Variants in ZNF662 observed in about 807,000 individuals in gnomAD.
The protein encoded by ZNF662 is zinc finger protein 662.
A neutral mutation model predicts 12.4 loss-of-function variants in ZNF662; 14 were observed. The ratio of observed to expected loss-of-function variants is 1.13; its 90% CI spans 0.75 to 1.77. ZNF662 has a LOEUF of 1.77. ZNF662 is among the 40% of genes most tolerant of loss of function. The pLI is 0.00. For missense variants in ZNF662, 550 were observed against 515.6 expected (o/e 1.07, Z -0.65); for synonymous variants, 184 against 176.4 (o/e 1.04, Z -0.34).
rs1194902637 is a variant in ZNF662, at chr3:42,919,233, A to G, written c.*3879A>G. Among the ~76,000 whole-genome samples the G allele has an allele frequency of 1.3e-5, 2 of 152,224 alleles. No individual in the cohort carries two copies. The highest frequency in any genetic ancestry group is 4.8e-5 in the African/African-American group (2 of 41,450). On this transcript the variant is annotated 3_prime_UTR_variant, in exon 5 of 5. Coordinates refer to ENST00000440367, the MANE Select transcript of ZNF662 (RefSeq NM_207404.4). ...CGAATGAGTCTAAAATCTAATGACA[A>G]ATATATAAGTCTTGAAACATAATTT...
Position 42,907,276 on chromosome 3 carries a change from T to C in ZNF662, c.-93-746T>C, listed in dbSNP as rs2088695898. Among the ~76,000 whole-genome samples the C allele has an allele frequency of 2.0e-5, 3 of 152,116 alleles. No homozygotes were observed. In the South Asian group the frequency reaches 6.2e-4, roughly 32 times the overall value. On this transcript the variant is annotated intron_variant, in intron 1 of 4. Coordinates refer to ENST00000440367, the MANE Select transcript of ZNF662 (RefSeq NM_207404.4). ...GTGGGTAAGCAAGTGAGGTGGGATC[T>C]TTGTGAGAGTGTTGCGGGTGGTGGG...
In ZNF662 at chr3:42,912,588, T is replaced by A. The variant is rs1445169830; in HGVS notation, c.152-613T>A. ...TATAAATACATATTTTATATATAAA[T>A]ATATTTATATAAAATACAAATATTT... is the stretch of plus-strand genomic sequence containing the variant. On this transcript the variant is annotated intron_variant, in intron 3 of 4. Transcript: ENST00000440367. Among the ~76,000 whole-genome samples, 12 of 86,872 alleles carry A rather than the reference T, an allele frequency of 1.4e-4. No individual in the cohort carries two copies. The East Asian group carries it at 2.6e-3, about 19-fold the overall frequency. The allele number at this position is 86,872 out of a possible 152,430, so 57.0% of individuals were successfully genotyped here.
chr3:42,909,698 C>G (rs1559380370), intron 3 of ZNF662, among the ~76,000 whole-genome samples: 1 of 150,806 alleles, frequency 6.6e-6, no homozygotes, highest in Non-Finnish European at 1.5e-5. Context: ...GGGGCTGCCC[C>G]CCACCTCCCG....
At chr3:42,912,718 A>ATTTTTTT (rs1559381616) in intron 3 of ZNF662, among the ~76,000 whole-genome samples, 1 of 95,406 alleles carries the variant, frequency 1.0e-5, no homozygotes, top group East Asian at 3.5e-4. Context: ...ATATATATAT[A>ATTTTTTT]TATTTTTTAT....
Position 42,914,531 on chromosome 3 carries a change from A to G in ZNF662, c.458A>G (p.Asp153Gly). The change falls in exon 5 of 5, where the codon GAT (aspartate) becomes GGT (glycine). Residue 153 changes from aspartate to glycine, a missense_variant. Coordinates refer to ENST00000440367, the MANE Select transcript of ZNF662 (RefSeq NM_207404.4). ...NGGRMESSTN[D>G]IIEVIVKDEM... ...GGACGTATGGAAAGTTCTACAAATG[A>G]TATTATAGAAGTGATTGTCAAGGAT... is the stretch of plus-strand genomic sequence containing the variant. 1 of 1,613,976 alleles carries G rather than the reference A, an allele frequency of 6.2e-7. No individual in the cohort carries two copies. The highest frequency in any genetic ancestry group is 8.5e-7 in the Non-Finnish European group (1 of 1,179,872).
At chr3:42,909,186 G>T (rs2088731636) in intron 3 of ZNF662, among the ~76,000 whole-genome samples, 2 of 152,136 alleles carry the variant, frequency 1.3e-5, no homozygotes, top group African/African-American at 2.4e-5. Flanking sequence ...AAAGGTCTCT[G>T]GTTTTCCTAG....
intron 1 of ZNF662, among the ~76,000 whole-genome samples, chr3:42,907,421 A>G (rs2088698311): frequency 6.6e-6 from 1 of 152,178 alleles, no homozygotes; most frequent in African/African-American, 2.4e-5. Flanking sequence ...TGGGGAGGAC[A>G]AAGGAGGAAG....
chr3:42,908,641 C>A, intron 2 of ZNF662, 152 bp from the exon 3 acceptor site: 1 of 1,474,764 alleles, frequency 6.8e-7, no homozygotes, highest in Non-Finnish European at 9.0e-7. Flanking sequence ...TGGCCCCTCT[C>A]TTGTCCTTTC....
At chr3:42,908,692 T>C in intron 2 of ZNF662, 101 bp from the exon 3 acceptor site, 1 of 1,472,996 alleles carries the variant, frequency 6.8e-7, no homozygotes, top group Non-Finnish European at 9.1e-7. Flanking sequence ...TTATTTCCGT[T>C]TTTTTCCCCT....
At chr3:42,912,751 A>AT (rs2088844920) in intron 3 of ZNF662, among the ~76,000 whole-genome samples, 1 of 32,090 alleles carries the variant, frequency 3.1e-5, no homozygotes, top group South Asian at 1.2e-3. Context: ...ATATATATAT[A>AT]TTTTTTGAGA....
rs1181641556 is a variant in ZNF662 at position 42,917,375 on chromosome 3, T to C, written c.*2021T>C. ...TCATCGAGAGCTACCAGAGGAGATA[T>C]TATCTGTCCTCTGTGTGGCACATAG... On this transcript the variant is annotated 3_prime_UTR_variant, in exon 5 of 5. Coordinates refer to ENST00000440367, the MANE Select transcript of ZNF662 (RefSeq NM_207404.4). The C allele has an allele frequency of 6.5e-6, 4 of 619,160 alleles. No individual in the cohort carries two copies. Among genetic ancestry groups the C allele is most frequent in the Non-Finnish European group, 1.1e-5 (4 of 351,188 alleles). The allele number at this position is 619,160 out of a possible 1,614,324, so 38.4% of individuals were successfully genotyped here. A position where few individuals can be genotyped will look rare whatever the true frequency, so the allele number is the denominator to read the frequency against.
rs375378463 is a variant in ZNF662 at position 42,914,440 on chromosome 3, T to G, written c.367T>G (p.Leu123Val). The G allele has an allele frequency of 2.3e-5, 37 of 1,613,908 alleles. No individual in the cohort carries two copies. The highest frequency in any genetic ancestry group is 8.3e-5 in the Admixed American group (5 of 59,982). The stretch of plus-strand genomic sequence containing the variant: ...ACCCCAGTGGTGTGGATCCCAGGAA[T>G]TATGGTTTGGGAAAACCTGTGAAGA... ...SGPQWCGSQE[L>V]WFGKTCEEKS... Residue 123 changes from leucine (L) to valine (V), a missense_variant, in exon 5 of 5, where the codon TTA (leucine) becomes GTA (valine). Transcript: ENST00000440367.
intron 2 of ZNF662, chr3:42,908,493 TG>T (rs899308068): frequency 8.1e-7 from 1 of 1,237,060 alleles, no homozygotes; most frequent in Admixed American, 3.8e-5. Flanking sequence ...CTCATGAGGA[TG>T]TCTGAACTTG....
rs765270364 is a variant in ZNF662, at chr3:42,914,361, T to G, written c.288T>G (p.Ile96Met). Residue 96 changes from isoleucine (I) to methionine (M), a missense_variant, in exon 5 of 5, where the codon ATT (isoleucine) becomes ATG (methionine). Transcript: ENST00000440367. ...TGAAGAGGAAGAAAGAAGATTTTAT[T>G]CTGAAGGAGGAAATTATTGAGGAAG... Reference protein sequence around the residue: ...GVLKRKKEDFILKEEIIEEAQ... With the variant: ...GVLKRKKEDFMLKEEIIEEAQ... The G allele has an allele frequency of 6.2e-7, 1 of 1,606,076 alleles. No individual in the cohort carries two copies. Among genetic ancestry groups the G allele is most frequent in the East Asian group, 2.2e-5 (1 of 44,828 alleles).
In ZNF662 at chr3:42,918,318, A is replaced by C. The variant is rs915286598; in HGVS notation, c.*2964A>C. On this transcript the variant is annotated 3_prime_UTR_variant, in exon 5 of 5. Coordinates refer to ENST00000440367, the MANE Select transcript of ZNF662 (RefSeq NM_207404.4). ...GCAGAATTTATTAAGTGAAAAGGAAAACTCTCAACAAAAAGAGGGGTCCTG... is the reference window on the plus strand; with the variant it reads ...GCAGAATTTATTAAGTGAAAAGGAACACTCTCAACAAAAAGAGGGGTCCTG... Among the ~76,000 whole-genome samples the C allele has an allele frequency of 1.3e-5, 2 of 152,102 alleles. No homozygotes were observed. The highest frequency in any genetic ancestry group is 4.8e-5 in the African/African-American group (2 of 41,400).
chr3:42,915,838 C>G lies in ZNF662; in HGVS notation c.*484C>G, dbSNP rs2088891589. Reference sequence around the variant, plus strand: ...GTGCTTTTAGTTTCCCTTCATCACTCAGATCTAGCTCCTTCAACTAAGAAG... The same window carrying G: ...GTGCTTTTAGTTTCCCTTCATCACTGAGATCTAGCTCCTTCAACTAAGAAG... On this transcript the variant is annotated 3_prime_UTR_variant, in exon 5 of 5. Transcript: ENST00000440367. 1 of 152,850 alleles carries G rather than the reference C, an allele frequency of 6.5e-6. No homozygotes were observed. The highest frequency in any genetic ancestry group is 1.9e-4 in the South Asian group (1 of 5,250). The allele number at this position is 152,850 out of a possible 1,614,324, so 9.5% of individuals were successfully genotyped here.
In ZNF662 at chr3:42,915,983, G is replaced by A. The variant is rs1249699780; in HGVS notation, c.*629G>A. On this transcript the variant is annotated 3_prime_UTR_variant, in exon 5 of 5. Transcript: ENST00000440367. ...ATCTTAACCCCAGCTAAATGACTCT[G>A]AGGACCAACAGTACATTTCTTTTAT... 10 of 152,028 alleles carry A rather than the reference G, an allele frequency of 6.6e-5. No individual in the cohort carries two copies. Among genetic ancestry groups the A allele is most frequent in the South Asian group, 2.1e-4 (1 of 4,820 alleles). 9.4% of individuals were successfully genotyped at this position (152,028 alleles called of 1,614,324 possible).
chr3:42,909,297 T>C (rs963013713), intron 3 of ZNF662, among the ~76,000 whole-genome samples: 6 of 152,152 alleles, frequency 3.9e-5, no homozygotes, highest in Admixed American at 6.5e-5. Context: ...CAAGCATCTG[T>C]TTAACAAAGC....
chr3:42,908,559 G>C, intron 2 of ZNF662: 1 of 1,350,092 alleles, frequency 7.4e-7, no homozygotes, highest in Non-Finnish European at 9.5e-7. Context: ...TCCTCAATGA[G>C]TGAAATCATC....
Sources: gnomAD v4.1 joint callset for allele counts (sites outside exome capture counted in the v4.1 genomes callset) on GRCh38, gnomAD v4.1.1 for gene constraint, MANE v1.5 for transcripts, NCBI Gene and HGNC (gene_info 2026-07-23, HGNC 2026-07-21) for gene names.